Variants in DNER observed in about 807,000 individuals in gnomAD.
DNER encodes delta/notch like EGF repeat containing, also known as delta and Notch-like epidermal growth factor-related receptor.
Under a neutral mutation model 78.2 loss-of-function variants are expected in DNER, and 33 were observed. The ratio of observed to expected loss-of-function variants is 0.42; its 90% confidence interval spans 0.32 to 0.56. DNER has a LOEUF of 0.56. Ranked by LOEUF, DNER falls within the 20% of genes least tolerant of loss-of-function variation. DNER has a pLI of 0.11. For missense variants in DNER, 918 were observed against 975.3 expected, an observed-to-expected ratio of 0.94 and a Z score of 0.78; for synonymous variants, 417 against 384.8, an observed-to-expected ratio of 1.08 and a Z score of -0.98.
At chr2:229,663,625 C>T (rs1346509735) in intron 1 of DNER, among the ~76,000 whole-genome samples, 4 of 152,136 alleles carry the variant, frequency 2.6e-5, no homozygotes, top group Admixed American at 6.5e-5. Flanking sequence ...TCAATTGTAT[C>T]GTGCAAAGCA....
chr2:229,625,535 G>A (rs6436881), intron 1 of DNER, among the ~76,000 whole-genome samples: 132,676 of 151,880 alleles, frequency 0.87, 58,312 homozygotes, highest in East Asian at 0.98. Context: ...GAGGGGAGCG[G>A]GCTCAAGGGC....
At chr2:229,705,439 C>T (rs1699811691) in intron 1 of DNER, among the ~76,000 whole-genome samples, 1 of 152,200 alleles carries the variant, frequency 6.6e-6, no homozygotes, top group Admixed American at 6.5e-5. Flanking sequence ...TTTCTTTTCT[C>T]TTTAAGAAAG....
At chr2:229,431,797 A>AAAAAG (rs1332252934) in intron 8 of DNER, among the ~76,000 whole-genome samples, 1 of 152,120 alleles carries the variant, frequency 6.6e-6, no homozygotes, top group East Asian at 1.9e-4. Context: ...ATAATTAAAA[A>AAAAAG]AAAAGAAAAA....
At chr2:229,426,982 T>C (rs1424398661) in intron 8 of DNER, among the ~76,000 whole-genome samples, 1 of 152,268 alleles carries the variant, frequency 6.6e-6, no homozygotes, top group Non-Finnish European at 1.5e-5. Flanking sequence ...CTTTAGTCTC[T>C]AATTTCTTAT....
At chr2:229,712,148 A>C (rs1699921630) in intron 1 of DNER, among the ~76,000 whole-genome samples, 1 of 152,198 alleles carries the variant, frequency 6.6e-6, no homozygotes, top group Admixed American at 6.5e-5. Flanking sequence ...GCTCAGGTGG[A>C]TGGTGTTCAC....
At chr2:229,582,404 C>G (rs1340203193) in intron 4 of DNER, among the ~76,000 whole-genome samples, 2 of 151,866 alleles carry the variant, frequency 1.3e-5, no homozygotes, top group African/African-American at 4.8e-5. Flanking sequence ...AGGAAGAGCT[C>G]GGGACAGGAC....
chr2:229,696,215 T>G (rs563006357), intron 1 of DNER, among the ~76,000 whole-genome samples: 1 of 152,312 alleles, frequency 6.6e-6, no homozygotes, highest in South Asian at 2.1e-4. Flanking sequence ...ACTGAGCTCA[T>G]TAAAAAACCA....
chr2:229,496,951 G>A (rs1478517709), intron 6 of DNER, among the ~76,000 whole-genome samples: 1 of 152,058 alleles, frequency 6.6e-6, no homozygotes, highest in African/African-American at 2.4e-5. Context: ...AGGCCAAATG[G>A]ACCTAACAGT....
intron 1 of DNER, among the ~76,000 whole-genome samples, chr2:229,656,225 A>G (rs1257371657): frequency 6.6e-6 from 1 of 152,214 alleles, no homozygotes; most frequent in African/African-American, 2.4e-5. Flanking sequence ...CTCATGGGAA[A>G]CAGGTATCAT....
intron 11 of DNER, among the ~76,000 whole-genome samples, chr2:229,385,100 TAAAAA>T (rs57663031): frequency 9.0e-6 from 1 of 110,932 alleles, no homozygotes. Context: ...AGACTCCATC[TAAAAA>T]AAAAAAAAAA....
chr2:229,624,996 A>T (rs1284787422), intron 1 of DNER, among the ~76,000 whole-genome samples: 1 of 152,162 alleles, frequency 6.6e-6, no homozygotes, highest in African/African-American at 2.4e-5. Context: ...GAGGGTGAGG[A>T]ATTCGCTATT....
chr2:229,388,463 A>C, intron 10 of DNER, 67 bp from the exon 11 acceptor site: 1 of 1,516,168 alleles, frequency 6.6e-7, no homozygotes, highest in African/African-American at 1.4e-5. Flanking sequence ...TTTCTGGCCA[A>C]AAAATAAAGA....
chr2:229,647,174 A>G (rs1698734085), intron 1 of DNER, among the ~76,000 whole-genome samples: 1 of 152,178 alleles, frequency 6.6e-6, no homozygotes, highest in East Asian at 1.9e-4. Context: ...CTCAAAATAA[A>G]TAAATACATA....
At chr2:229,551,984 ATATG>A (rs1696753615) in intron 4 of DNER, among the ~76,000 whole-genome samples, 1 of 152,170 alleles carries the variant, frequency 6.6e-6, no homozygotes, top group Non-Finnish European at 1.5e-5. Context: ...ATATACAAAT[ATATG>A]TAGTGTGTGT....
intron 4 of DNER, among the ~76,000 whole-genome samples, chr2:229,561,246 A>G (rs1696954705): frequency 6.6e-6 from 1 of 152,200 alleles, no homozygotes; most frequent in African/African-American, 2.4e-5. Flanking sequence ...TTTGTCACTT[A>G]TGTAAACCAT....
At chr2:229,589,574 T>C (rs1697563130) in intron 2 of DNER, among the ~76,000 whole-genome samples, 1 of 152,214 alleles carries the variant, frequency 6.6e-6, no homozygotes, top group Non-Finnish European at 1.5e-5. Context: ...ATCTGCTTCA[T>C]GAGCAGCCTA....
intron 4 of DNER, among the ~76,000 whole-genome samples, chr2:229,553,407 G>A (rs1696787488): frequency 6.6e-6 from 1 of 152,168 alleles, no homozygotes; most frequent in African/African-American, 2.4e-5. Context: ...GAAATCAGAG[G>A]CACTCATACA....
chr2:229,560,480 CCCAGGGAT>C (rs1696935438), intron 4 of DNER, among the ~76,000 whole-genome samples: 1 of 152,092 alleles, frequency 6.6e-6, no homozygotes, highest in African/African-American at 2.4e-5. Context: ...CAGATGAAGA[CCCAGGGAT>C]TTTGCATTAA....
intron 1 of DNER, among the ~76,000 whole-genome samples, chr2:229,614,089 A>G (rs1698106209): frequency 6.6e-6 from 1 of 151,938 alleles, no homozygotes; most frequent in Non-Finnish European, 1.5e-5. Context: ...ATGACGAGTT[A>G]ATGGGTGCAG....
Sources: allele counts gnomAD v4.1 joint callset (sites outside exome capture counted in the v4.1 genomes callset), GRCh38; gene constraint gnomAD v4.1.1; transcripts MANE v1.5; gene names NCBI Gene and HGNC (gene_info 2026-07-23, HGNC 2026-07-21).